LRBA: variants seen among roughly 807,000 people sequenced by gnomAD.
LRBA encodes lipopolysaccharide-responsive and beige-like anchor protein.
Under a neutral mutation model 330.0 loss-of-function variants are expected in LRBA, and 176 were observed. That is an observed-to-expected ratio of 0.53 (90% confidence interval 0.47 to 0.60). The LOEUF is 0.60. Ranked by LOEUF, LRBA falls within the 20% of genes least tolerant of loss-of-function variation. LRBA has a pLI of 0.00. For missense variants in LRBA, 3,259 were observed against 3,444.8 expected (o/e 0.95, Z 1.35); for synonymous variants, 1,230 against 1,193.0 (o/e 1.03, Z -0.64).
At chr4:150,554,487 T>C (rs990906903) in intron 40 of LRBA, among the ~76,000 whole-genome samples, 5 of 152,160 alleles carry the variant, frequency 3.3e-5, no homozygotes, top group Admixed American at 1.3e-4. Flanking sequence ...TTGCTTATTA[T>C]CTGTAAGAAG....
intron 2 of LRBA, among the ~76,000 whole-genome samples, chr4:150,963,734 A>C (rs1738486037): frequency 6.9e-6 from 1 of 145,592 alleles, no homozygotes; most frequent in Non-Finnish European, 1.5e-5. Flanking sequence ...CCGTCTAGGA[A>C]GTGAGGAGCA....
chr4:150,814,559 C>A (rs1013624163), intron 31 of LRBA, among the ~76,000 whole-genome samples: 1 of 151,314 alleles, frequency 6.6e-6, no homozygotes, highest in African/African-American at 2.4e-5. Flanking sequence ...GATGTGGAAA[C>A]CAAAACAAAT....
At chr4:150,808,256 C>G in intron 32 of LRBA, 64 bp downstream of exon 32, 1 of 1,016,284 alleles carries the variant, frequency 9.8e-7, no homozygotes, top group Non-Finnish European at 1.5e-6. Flanking sequence ...TAAAATAAAC[C>G]TAGATAGCTT....
intron 40 of LRBA, among the ~76,000 whole-genome samples, chr4:150,517,537 A>T (rs928386642): frequency 6.6e-5 from 10 of 152,070 alleles, no homozygotes; most frequent in African/African-American, 2.4e-4. Flanking sequence ...ATAAATAAAT[A>T]GAAGGTGTTC....
intron 47 of LRBA, among the ~76,000 whole-genome samples, chr4:150,360,938 G>A (rs2151842024): frequency 6.6e-6 from 1 of 152,286 alleles, no homozygotes; most frequent in East Asian, 1.9e-4. Context: ...CAACTATGCT[G>A]TAATCTATAA....
At chr4:150,839,226 A>AG (rs1226975029) in intron 28 of LRBA, among the ~76,000 whole-genome samples, 1 of 152,222 alleles carries the variant, frequency 6.6e-6, no homozygotes, top group East Asian at 1.9e-4. Context: ...ATCATTAAAA[A>AG]GTCAGGAAAC....
chr4:150,805,308 G>GGAAAC, intron 33 of LRBA, among the ~76,000 whole-genome samples: 1 of 114,292 alleles, frequency 8.7e-6, no homozygotes, highest in Non-Finnish European at 1.7e-5. Flanking sequence ...GGAAAGGAAA[G>GGAAAC]GAAAGGAAAG....
Position 150,915,672 on chromosome 4 carries a change from C to A in LRBA, c.950G>T (p.Arg317Leu). 1 of 1,612,580 alleles carries A rather than the reference C, an allele frequency of 6.2e-7. No individual in the cohort carries two copies. Among genetic ancestry groups the A allele is most frequent in the East Asian group, 2.2e-5 (1 of 44,758 alleles). ...AGCCAGCTCACCATTCACATAACATCGAAGTTCACTATTCTTCCATCGGTT... is the reference window on the plus strand; with the variant it reads ...AGCCAGCTCACCATTCACATAACATAGAAGTTCACTATTCTTCCATCGGTT... ...IYNRWKNSEL[R>L]CYVNGELASY... The change falls in exon 8 of 57, where the codon CGA (arginine) becomes CTA (leucine). Residue 317 changes from arginine (R) to leucine (L), a missense_variant. Transcript: ENST00000651943.
rs143167375 is a variant in LRBA, at chr4:150,974,021, T to C, written c.216+40406A>G. On this transcript the variant is annotated intron_variant, in intron 2 of 56. Transcript: ENST00000651943. ...TCATGTTCAGCAGGCAAAATAACAA[T>C]GAGTACGGTATGCAAAGTACTGCCA... 4.4e-4 allele frequency among the ~76,000 whole-genome samples: 67 copies of C among 152,264 alleles called. No homozygotes were observed. In the East Asian group the frequency reaches 0.012, roughly 28 times the overall value.
At chr4:150,472,391 G>C (rs1756242091) in intron 42 of LRBA, among the ~76,000 whole-genome samples, 2 of 152,160 alleles carry the variant, frequency 1.3e-5, no homozygotes, top group South Asian at 4.1e-4. Context: ...GAAATAGGCT[G>C]TCACAGTTCT....
At chr4:150,374,536 A>C (rs1243569329) in intron 47 of LRBA, among the ~76,000 whole-genome samples, 2 of 152,232 alleles carry the variant, frequency 1.3e-5, no homozygotes, top group Non-Finnish European at 2.9e-5. Flanking sequence ...ACGAGAAGAT[A>C]TAAATGATAC....
intron 47 of LRBA, 66 bp from the exon 48 acceptor site, chr4:150,350,225 G>C: frequency 2.4e-6 from 3 of 1,229,874 alleles, no homozygotes; most frequent in African/African-American, 1.6e-5. Context: ...GAGACATTTA[G>C]AGCAATCAGT....
chr4:150,312,074 T>A (rs563292479), intron 51 of LRBA, among the ~76,000 whole-genome samples: 1 of 152,284 alleles, frequency 6.6e-6, no homozygotes, highest in South Asian at 2.1e-4. Flanking sequence ...CTGAACTTTC[T>A]TGGGGGATTG....
intron 2 of LRBA, among the ~76,000 whole-genome samples, chr4:150,993,460 G>A (rs772858587): frequency 9.2e-5 from 14 of 152,186 alleles, no homozygotes; most frequent in Non-Finnish European, 7.4e-5. Context: ...ACCCCAGCAC[G>A]TTGGGAGGCC....
chr4:151,010,742 G>A (rs1744732286), intron 2 of LRBA, among the ~76,000 whole-genome samples: 1 of 151,896 alleles, frequency 6.6e-6, no homozygotes, highest in Non-Finnish European at 1.5e-5. Context: ...AAATTAGCCG[G>A]GCATGGTGGT....
chr4:150,396,244 G>C (rs1268435738), intron 47 of LRBA, among the ~76,000 whole-genome samples: 1 of 152,080 alleles, frequency 6.6e-6, no homozygotes, highest in Non-Finnish European at 1.5e-5. Context: ...TTAGGCATTA[G>C]AGCTCCTGGT....
intron 53 of LRBA, among the ~76,000 whole-genome samples, chr4:150,289,154 A>T (rs1013216259): frequency 6.6e-6 from 1 of 152,194 alleles, no homozygotes; most frequent in African/African-American, 2.4e-5. Context: ...TAACTCCAGA[A>T]GGTGGGTTAA....
At chr4:150,324,167 A>C (rs1003118846) in intron 49 of LRBA, among the ~76,000 whole-genome samples, 12 of 152,250 alleles carry the variant, frequency 7.9e-5, no homozygotes, top group Admixed American at 2.0e-4. Context: ...GTATGAGCCA[A>C]TAAGCCTCTG....
chr4:150,567,049 C>A (rs1007389091), intron 40 of LRBA, among the ~76,000 whole-genome samples: 1 of 152,078 alleles, frequency 6.6e-6, no homozygotes, highest in Admixed American at 6.6e-5. Flanking sequence ...CTACCAATCA[C>A]TTTAAAACAA....
Sources: gnomAD v4.1 joint callset for allele counts (sites outside exome capture counted in the v4.1 genomes callset) on GRCh38, gnomAD v4.1.1 for gene constraint, MANE v1.5 for transcripts, NCBI Gene and HGNC (gene_info 2026-07-23, HGNC 2026-07-21) for gene names.